The following CEP112 variants were observed in gnomAD, a reference collection of about 807,000 sequenced individuals.
CEP112 encodes centrosomal protein of 112 kDa.
Under a neutral mutation model 153.0 loss-of-function variants are expected in CEP112, and 127 were observed. That is an observed-to-expected ratio of 0.83 (90% CI 0.72 to 0.96). The LOEUF (loss-of-function observed/expected upper bound fraction) is 0.96, where lower values mean the gene tolerates loss of function less well. CEP112 is among the 40% of genes least tolerant of loss of function. The pLI is 0.00. For missense variants in CEP112, 1,089 were observed against 1,101.2 expected (o/e 0.99, Z 0.16); for synonymous variants, 358 against 374.4 (o/e 0.96, Z 0.51).
At chr17:65,772,198 C>A (rs1377983759) in intron 21 of CEP112, among the ~76,000 whole-genome samples, 1 of 151,744 alleles carries the variant, frequency 6.6e-6, no homozygotes, top group East Asian at 1.9e-4. Flanking sequence ...TTGAAGCAAC[C>A]TGAAAAAGAA....
chr17:65,700,223 G>A (rs565650538), intron 23 of CEP112, among the ~76,000 whole-genome samples: 3 of 152,200 alleles, frequency 2.0e-5, no homozygotes, highest in South Asian at 2.1e-4. Context: ...GTAAGTTAAT[G>A]GAAGTATTTC....
chr17:66,039,864 T>C (rs1598197746), intron 12 of CEP112, among the ~76,000 whole-genome samples: 1 of 152,212 alleles, frequency 6.6e-6, no homozygotes, highest in African/African-American at 2.4e-5. Context: ...GGCTTCTTCA[T>C]GCATATTATA....
chr17:65,970,464 A>G lies in CEP112; in HGVS notation c.1737-8866T>C, dbSNP rs1426199706. ...ATGCATGTATATTACATGCATGCAC[A>G]CATGCATGTATATTACATGCATGCA... On this transcript the variant is annotated intron_variant, in intron 17 of 26. Transcript: ENST00000535342. 3.6e-4 allele frequency among the ~76,000 whole-genome samples: 5 copies of G among 13,860 alleles called. 1 individual carries two copies. Among genetic ancestry groups the G allele is most frequent in the South Asian group, 2.1e-3 (1 of 486 alleles). The allele number at this position is 13,860 out of a possible 152,430, so 9.1% of individuals were successfully genotyped here. A position where few individuals can be genotyped will look rare whatever the true frequency, so the allele number is the denominator to read the frequency against.
intron 18 of CEP112, among the ~76,000 whole-genome samples, chr17:65,935,520 C>T (rs11079599): frequency 0.41 from 62,858 of 151,986 alleles, 14,400 homozygotes; most frequent in East Asian, 0.87. Flanking sequence ...TGTTAGGCTA[C>T]AAAACAAGTC....
intron 20 of CEP112, among the ~76,000 whole-genome samples, chr17:65,896,592 C>T (rs2059666912): frequency 6.6e-6 from 1 of 151,880 alleles, no homozygotes; most frequent in Admixed American, 6.6e-5. Flanking sequence ...ACTAAATAGA[C>T]ACAACATTAT....
chr17:65,758,085 C>T (rs563382995), intron 21 of CEP112, among the ~76,000 whole-genome samples: 22 of 152,288 alleles, frequency 1.4e-4, no homozygotes, highest in African/African-American at 4.3e-4. Flanking sequence ...CCCTCAGCAT[C>T]GCAAGTAGCT....
intron 17 of CEP112, among the ~76,000 whole-genome samples, chr17:66,004,812 T>C (rs999952851): frequency 5.3e-5 from 8 of 152,198 alleles, no homozygotes; most frequent in Non-Finnish European, 8.8e-5. Context: ...CTTTAAGTCA[T>C]TCTTATTTGC....
intron 17 of CEP112, among the ~76,000 whole-genome samples, chr17:65,979,163 TGATACTTAAGAGAGCTATTTTTAA>T (rs1327060713): frequency 6.6e-6 from 1 of 152,110 alleles, no homozygotes; most frequent in Non-Finnish European, 1.5e-5. Context: ...CCCCCACCAT[TGATACTTAAGAGAGCTATTTTTAA>T]GAAGAAAATT....
At chr17:66,130,789 A>C (rs1288985274) in intron 5 of CEP112, among the ~76,000 whole-genome samples, 3 of 151,684 alleles carry the variant, frequency 2.0e-5, no homozygotes, top group Admixed American at 6.6e-5. Context: ...AAAAAAAAAA[A>C]AAAACACACA....
At chr17:66,039,932 T>C (rs2065900038) in intron 12 of CEP112, among the ~76,000 whole-genome samples, 1 of 152,224 alleles carries the variant, frequency 6.6e-6, no homozygotes, top group Non-Finnish European at 1.5e-5. Flanking sequence ...CAGTACTGTA[T>C]ATAGCATGCT....
At chr17:65,837,089 T>C (rs1310864693) in intron 21 of CEP112, among the ~76,000 whole-genome samples, 1 of 150,564 alleles carries the variant, frequency 6.6e-6, no homozygotes, top group African/African-American at 2.5e-5. Context: ...GCAGACGGAG[T>C]CTCGCTCACT....
At chr17:65,741,700 T>C (rs917662606) in intron 23 of CEP112, among the ~76,000 whole-genome samples, 5 of 151,940 alleles carry the variant, frequency 3.3e-5, no homozygotes, top group African/African-American at 7.2e-5. Context: ...TGATTGCTCA[T>C]TTAAAATTTG....
chr17:65,898,238 TCA>T (rs2143428893), intron 20 of CEP112, among the ~76,000 whole-genome samples: 1 of 152,176 alleles, frequency 6.6e-6, no homozygotes, highest in East Asian at 1.9e-4. Flanking sequence ...ACAAGAACAT[TCA>T]GACTATACAT....
chr17:65,772,674 C>T (rs577773000), intron 21 of CEP112, among the ~76,000 whole-genome samples: 1 of 152,062 alleles, frequency 6.6e-6, no homozygotes, highest in Admixed American at 6.5e-5. Context: ...GTTTTGCAAA[C>T]ATTTACTTTG....
intron 4 of CEP112, among the ~76,000 whole-genome samples, chr17:66,136,684 A>T (rs576760763): frequency 6.6e-6 from 1 of 152,336 alleles, no homozygotes; most frequent in South Asian, 2.1e-4. Context: ...GTAATAACCA[A>T]AAAAGGATTG....
At chr17:65,977,856 C>A (rs930386028) in intron 17 of CEP112, among the ~76,000 whole-genome samples, 1 of 152,210 alleles carries the variant, frequency 6.6e-6, no homozygotes. Context: ...AGGCGAATCA[C>A]TTGAAGTCAG....
chr17:66,055,670 G>T (rs2066651177), intron 11 of CEP112, among the ~76,000 whole-genome samples: 1 of 152,182 alleles, frequency 6.6e-6, no homozygotes, highest in Non-Finnish European at 1.5e-5. Context: ...AAACTTAGTG[G>T]TTTCTCATGT....
At chr17:65,991,230 T>C (rs184652570) in intron 17 of CEP112, among the ~76,000 whole-genome samples, 6 of 152,346 alleles carry the variant, frequency 3.9e-5, no homozygotes, top group Admixed American at 2.6e-4. Flanking sequence ...CGAACTTTGA[T>C]ATAATTCATT....
chr17:65,699,817 GTGTT>G (rs781501944), intron 23 of CEP112, among the ~76,000 whole-genome samples: 9 of 152,110 alleles, frequency 5.9e-5, no homozygotes, highest in Non-Finnish European at 1.0e-4. Context: ...CATTTCTCAA[GTGTT>G]TGACTCCAGT....
Sources: allele counts gnomAD v4.1 joint callset (sites outside exome capture counted in the v4.1 genomes callset), GRCh38; gene constraint gnomAD v4.1.1; transcripts MANE v1.5; gene names NCBI Gene and HGNC (gene_info 2026-07-23, HGNC 2026-07-21).